KAZN: variants seen among roughly 807,000 people sequenced by gnomAD.
KAZN encodes the protein kazrin.
In KAZN, 40 loss-of-function variants were observed where a neutral mutation model predicts 87.4. The ratio of observed to expected loss-of-function variants is 0.46; its 90% CI spans 0.36 to 0.60. The LOEUF is 0.60. Among genes scored for constraint, KAZN ranks in the 20% least tolerant of loss-of-function variants. KAZN has a pLI of 0.00. For synonymous variants in KAZN, 466 were observed against 458.3 expected (o/e 1.02, Z -0.22); for missense variants, 898 against 1,073.9 (o/e 0.84, Z 2.29).
At chr1:14,977,450 G>C (rs868176064) in intron 2 of KAZN, among the ~76,000 whole-genome samples, 3 of 152,180 alleles carry the variant, frequency 2.0e-5, no homozygotes, top group Non-Finnish European at 4.4e-5. Flanking sequence ...CTTTCTGGTC[G>C]TGTGGCCTGT....
chr1:14,228,436 T>TGACA (rs1647492968), intron 2 of KAZN, among the ~76,000 whole-genome samples: 2 of 152,172 alleles, frequency 1.3e-5, no homozygotes, highest in Admixed American at 6.5e-5. Flanking sequence ...TAGCTTTGAA[T>TGACA]GACAATGTGA....
intron 2 of KAZN, among the ~76,000 whole-genome samples, chr1:14,416,740 G>GA (rs913483575): frequency 1.1e-4 from 16 of 148,372 alleles, no homozygotes; most frequent in Non-Finnish European, 1.6e-4. Flanking sequence ...CTGTCTCAAA[G>GA]AAAAAAAAAT....
At chr1:15,050,581 C>T (rs1416011923) in intron 4 of KAZN, among the ~76,000 whole-genome samples, 1 of 152,210 alleles carries the variant, frequency 6.6e-6, no homozygotes, top group Admixed American at 6.5e-5. Context: ...AGTCTATGTC[C>T]CTTGTGCCTG....
At chr1:14,478,260 AG>A (rs1668873302) in intron 2 of KAZN, among the ~76,000 whole-genome samples, 2 of 145,356 alleles carry the variant, frequency 1.4e-5, no homozygotes, top group East Asian at 2.1e-4. Flanking sequence ...GAAGGAAGGA[AG>A]GAAGGAAGGA....
At chr1:14,554,500 G>A (rs1170265035) in intron 2 of KAZN, among the ~76,000 whole-genome samples, 1 of 152,130 alleles carries the variant, frequency 6.6e-6, no homozygotes, top group Non-Finnish European at 1.5e-5. Flanking sequence ...AGCCAAATCA[G>A]GAAGAATCTG....
At chr1:14,453,404 A>G (rs1203983036) in intron 2 of KAZN, among the ~76,000 whole-genome samples, 1 of 152,240 alleles carries the variant, frequency 6.6e-6, no homozygotes, top group African/African-American at 2.4e-5. Context: ...CAAATTTTCA[A>G]TTATTGCTTA....
chr1:14,231,681 C>G (rs1647863689), intron 2 of KAZN, among the ~76,000 whole-genome samples: 2 of 152,166 alleles, frequency 1.3e-5, no homozygotes, highest in African/African-American at 4.8e-5. Flanking sequence ...TTATCAGTAT[C>G]CAGTGTACCA....
At chr1:15,108,561 G>A (rs1471154565) in intron 13 of KAZN, among the ~76,000 whole-genome samples, 1 of 152,264 alleles carries the variant, frequency 6.6e-6, no homozygotes, top group East Asian at 1.9e-4. Context: ...TGCCCAGCAC[G>A]TAGTGGGTGG....
rs1320609097 is a variant in KAZN, at chr1:15,081,374, G to A, written c.1223-12806G>A. Among the ~76,000 whole-genome samples the A allele has an allele frequency of 6.6e-6, 1 of 152,222 alleles. No individual in the cohort carries two copies. Among genetic ancestry groups the A allele is most frequent in the African/African-American group, 2.4e-5 (1 of 41,466 alleles). On this transcript the variant is annotated intron_variant, in intron 8 of 14. Coordinates refer to ENST00000376030, the MANE Select transcript of KAZN (RefSeq NM_201628.3). This position sits in a 1 kb window ranked among gnomAD's most constrained non-coding sequence, Gnocchi z 4.1. Reference sequence around the variant, plus strand: ...GTACCTCTGGAAAATATAAGAGCCGGTTGTTAAACGTGGTTGGGCCCTTGC... The same window carrying A: ...GTACCTCTGGAAAATATAAGAGCCGATTGTTAAACGTGGTTGGGCCCTTGC...
At chr1:15,047,776 A>G (rs1372808641) in intron 4 of KAZN, among the ~76,000 whole-genome samples, 1 of 152,070 alleles carries the variant, frequency 6.6e-6, no homozygotes, top group Non-Finnish European at 1.5e-5. Flanking sequence ...ATCTCAAAAA[A>G]AAAAGAAGCC....
intron 2 of KAZN, among the ~76,000 whole-genome samples, chr1:15,017,767 G>A (rs1049809596): frequency 6.6e-6 from 1 of 151,836 alleles, no homozygotes; most frequent in Non-Finnish European, 1.5e-5. Flanking sequence ...TTGCACCATT[G>A]CACTCCAGCC....
chr1:13,980,632 G>T (rs756584434), intron 1 of KAZN, among the ~76,000 whole-genome samples: 6 of 152,084 alleles, frequency 3.9e-5, no homozygotes, highest in Non-Finnish European at 5.9e-5. Context: ...GCAAAAGCAG[G>T]CATAACTAAA....
At chr1:14,252,965 T>A (rs556626015) in intron 2 of KAZN, among the ~76,000 whole-genome samples, 1 of 151,872 alleles carries the variant, frequency 6.6e-6, no homozygotes, top group African/African-American at 2.4e-5. Flanking sequence ...GAAGAGAGGG[T>A]AGAAAATTCT....
rs547185846 is a variant in KAZN at position 14,356,341 on chromosome 1, A to G, written c.249+175749A>G. On this transcript the variant is annotated intron_variant, in intron 2 of 16. Transcript: ENST00000636203. ...TGGATATTAGCCCTTTGTCAGATTG[A>G]TAGGTTGTAAAAATTTTCTTTCATT... 7.9e-5 allele frequency among the ~76,000 whole-genome samples: 12 copies of G among 152,104 alleles called. No homozygotes were observed. In the South Asian group the frequency reaches 1.5e-3, roughly 18 times the overall value.
At chr1:14,839,885 C>A (rs72638327) in intron 1 of KAZN, among the ~76,000 whole-genome samples, 6,024 of 152,198 alleles carry the variant, frequency 0.04, 148 homozygotes, top group Non-Finnish European at 0.056. Context: ...GGGAAACCAG[C>A]CTGGCTGAGT....
chr1:14,055,312 G>A (rs1030441282), intron 1 of KAZN, among the ~76,000 whole-genome samples: 1 of 152,214 alleles, frequency 6.6e-6, no homozygotes, highest in African/African-American at 2.4e-5. Context: ...ATAAATGTAA[G>A]TGGCAGCTGA....
intron 2 of KAZN, among the ~76,000 whole-genome samples, chr1:14,229,646 A>G (rs1260748486): frequency 1.3e-5 from 2 of 152,202 alleles, no homozygotes; most frequent in Admixed American, 6.5e-5. Flanking sequence ...AGGGCCCTCT[A>G]AGGGTGTCCT....
intron 1 of KAZN, among the ~76,000 whole-genome samples, chr1:13,935,717 G>A (rs12034432): frequency 0.016 from 2,491 of 152,232 alleles, 64 homozygotes; most frequent in African/African-American, 0.055. Context: ...AGTTTACAGC[G>A]TGGGGTAGTA....
intron 2 of KAZN, among the ~76,000 whole-genome samples, chr1:14,519,195 A>T (rs983904877): frequency 2.6e-5 from 4 of 152,200 alleles, no homozygotes; most frequent in African/African-American, 9.7e-5. Flanking sequence ...GAATCAAAGA[A>T]ATAGCCCCTG....
Sources: gnomAD v4.1 joint callset for allele counts (sites outside exome capture counted in the v4.1 genomes callset) on GRCh38, gnomAD v4.1.1 for gene constraint, Gnocchi (gnomAD v3.1) non-coding constraint, MANE v1.5 for transcripts, NCBI Gene and HGNC (gene_info 2026-07-23, HGNC 2026-07-21) for gene names.